The following CSMD3 variants were observed in gnomAD, a reference collection of about 807,000 sequenced individuals.
The protein encoded by CSMD3 is CUB and sushi domain-containing protein 3.
In CSMD3, 177 loss-of-function variants were observed where a neutral mutation model predicts 435.2. The observed-to-expected ratio is 0.41, with a 90% CI of 0.36 to 0.46. The LOEUF is 0.46. CSMD3 is among the 20% of genes least tolerant of loss of function. The pLI, the probability that CSMD3 is intolerant of heterozygous loss-of-function variation, is 0.34. For synonymous variants in CSMD3, 1,656 were observed against 1,520.5 expected, an observed-to-expected ratio of 1.09 and a Z score of -2.07; for missense variants, 4,265 against 4,504.6, an observed-to-expected ratio of 0.95 and a Z score of 1.52.
rs2131787391 is a variant in CSMD3, at chr8:112,682,637, C to T, written c.2483-1G>A. Reference sequence around the variant, plus strand: ...TCAGGGCATTCATTATGTCCAAATGCTTTAGAATAATATGCAAAGAAAAAT... The same window carrying T: ...TCAGGGCATTCATTATGTCCAAATGTTTTAGAATAATATGCAAAGAAAAAT... On this transcript the variant is annotated splice_acceptor_variant, in intron 15 of 70. Transcript: ENST00000297405. LOFTEE classifies it high-confidence loss of function. 6.2e-7 allele frequency: 1 copy of T among 1,602,170 alleles called. No individual in the cohort carries two copies. The highest frequency in any genetic ancestry group is 8.6e-7 in the Non-Finnish European group (1 of 1,169,252).
rs150908228 is a variant in CSMD3, at chr8:112,318,844, A to G, written c.7353T>C (p.Val2451=). Residue 2451 remains valine (V), a synonymous_variant, in exon 47 of 71, where the codon GTT becomes GTC. Coordinates refer to ENST00000297405, the MANE Select transcript of CSMD3 (RefSeq NM_198123.2). ...ATAGGAACCATTGAATACCTTGACA[A>G]ACTGGAGGTGCTCCATCCATCTGCA... ...ERLQMDGAPP[V]CQVLCPANEL... 31 of 1,606,364 alleles carry G rather than the reference A, an allele frequency of 1.9e-5. No individual in the cohort carries two copies. The Admixed American group carries it at 5.2e-4, about 27-fold the overall frequency.
chr8:113,298,364 T>C (rs558014520), intron 2 of CSMD3, among the ~76,000 whole-genome samples: 2 of 152,224 alleles, frequency 1.3e-5, no homozygotes, highest in South Asian at 4.1e-4. Context: ...AATAGTGGGA[T>C]TCATTTTATA....
intron 1 of CSMD3, among the ~76,000 whole-genome samples, chr8:113,338,528 A>C (rs2094094188): frequency 6.6e-6 from 1 of 152,042 alleles, no homozygotes; most frequent in African/African-American, 2.4e-5. Flanking sequence ...TTCATACAAT[A>C]GAATACTATT....
chr8:112,448,755 T>TAAAAAAAAAAAAAAA (rs199998820), intron 32 of CSMD3, among the ~76,000 whole-genome samples: 2 of 127,202 alleles, frequency 1.6e-5, no homozygotes, highest in African/African-American at 3.2e-5. Flanking sequence ...TACAATCTAT[T>TAAAAAAAAAAAAAAA]AAAAAAAAAA....
chr8:112,322,470 T>C (rs1470369519), intron 45 of CSMD3, among the ~76,000 whole-genome samples: 1 of 152,106 alleles, frequency 6.6e-6, no homozygotes. Context: ...TGTGAGCCCA[T>C]GGAGGGTCTG....
chr8:112,366,491 G>A (rs564213149), intron 38 of CSMD3, among the ~76,000 whole-genome samples: 24 of 152,230 alleles, frequency 1.6e-4, no homozygotes, highest in South Asian at 4.1e-4. Flanking sequence ...TCTGCCTCCC[G>A]GGTTCAAGGG....
chr8:113,294,395 A>G (rs1196853193), intron 2 of CSMD3, among the ~76,000 whole-genome samples: 2 of 152,066 alleles, frequency 1.3e-5, no homozygotes, highest in African/African-American at 4.8e-5. Context: ...GACTTTATTT[A>G]TATTATTCCA....
In CSMD3 at chr8:112,410,606, A is replaced by ATATATATATATGTATATATATATGTG. The variant is rs1563912810; in HGVS notation, c.5396-1575_5396-1574insCACATATATATATACATATATATATA. ...CATACATATGTATATATATATGTGT[A>ATATATATATATGTATATATATATGTG]TATATATATGTATATATATGTGTAT... On this transcript the variant is annotated intron_variant, in intron 32 of 70. Transcript: ENST00000297405. Among the ~76,000 whole-genome samples, 407 of 53,100 alleles carry ATATATATATATGTATATATATATGTG rather than the reference A, an allele frequency of 7.7e-3. 37 individuals are homozygous for ATATATATATATGTATATATATATGTG. The highest frequency in any genetic ancestry group is 0.034 in the African/African-American group (347 of 10,086). The allele number at this position is 53,100 out of a possible 152,430, so 34.8% of individuals were successfully genotyped here. A position where few individuals can be genotyped will look rare whatever the true frequency, so the allele number is the denominator to read the frequency against.
intron 4 of CSMD3, among the ~76,000 whole-genome samples, chr8:113,110,614 T>G (rs1224080097): frequency 6.6e-6 from 1 of 152,198 alleles, no homozygotes; most frequent in Non-Finnish European, 1.5e-5. Flanking sequence ...AGATTGAGGC[T>G]TTCTCTACAT....
chr8:113,345,873 G>A (rs948184966), intron 1 of CSMD3, among the ~76,000 whole-genome samples: 4 of 151,864 alleles, frequency 2.6e-5, no homozygotes, highest in African/African-American at 4.8e-5. Context: ...CACACACCCC[G>A]GCTCCAGAAC....
chr8:112,360,380 T>G (rs1827070491), intron 38 of CSMD3, among the ~76,000 whole-genome samples: 1 of 152,038 alleles, frequency 6.6e-6, no homozygotes, highest in Non-Finnish European at 1.5e-5. Context: ...ATGCTCATTT[T>G]TAAACAAGAT....
At chr8:112,889,117 C>T (rs1039132401) in intron 10 of CSMD3, among the ~76,000 whole-genome samples, 1 of 151,626 alleles carries the variant, frequency 6.6e-6, no homozygotes, top group Admixed American at 6.6e-5. Flanking sequence ...GTTAAGCATG[C>T]CCTGGGTTTC....
At chr8:112,990,060 A>T (rs1161366292) in intron 6 of CSMD3, among the ~76,000 whole-genome samples, 1 of 151,862 alleles carries the variant, frequency 6.6e-6, no homozygotes, top group African/African-American at 2.4e-5. Flanking sequence ...TTCCTCATTC[A>T]CCTTCCGCCA....
chr8:113,365,648 C>T (rs2094306408), intron 1 of CSMD3, among the ~76,000 whole-genome samples: 2 of 151,938 alleles, frequency 1.3e-5, no homozygotes, highest in African/African-American at 4.8e-5. Flanking sequence ...CAGTATCATA[C>T]GATGATGTTA....
chr8:112,714,240 A>G (rs1458161121), intron 13 of CSMD3, among the ~76,000 whole-genome samples: 2 of 152,028 alleles, frequency 1.3e-5, no homozygotes, highest in Admixed American at 6.6e-5. Flanking sequence ...TTACCAAGCA[A>G]ATGAACAGAA....
chr8:112,967,186 C>T (rs2084451884), intron 7 of CSMD3, among the ~76,000 whole-genome samples: 1 of 151,604 alleles, frequency 6.6e-6, no homozygotes, highest in Admixed American at 6.6e-5. Context: ...AAGAAACTAT[C>T]AACTGTTACT....
chr8:112,578,925 G>A (rs1830140162), intron 23 of CSMD3, among the ~76,000 whole-genome samples: 1 of 151,960 alleles, frequency 6.6e-6, no homozygotes, highest in Non-Finnish European at 1.5e-5. Flanking sequence ...GTCGAGCAAT[G>A]TACAAATAGT....
At chr8:113,278,970 T>C (rs1269947588) in intron 2 of CSMD3, among the ~76,000 whole-genome samples, 4 of 151,654 alleles carry the variant, frequency 2.6e-5, no homozygotes, top group African/African-American at 7.2e-5. Context: ...ACAACTGATA[T>C]ACAATTCTTT....
intron 67 of CSMD3, among the ~76,000 whole-genome samples, chr8:112,235,115 C>T (rs1029139073): frequency 3.9e-5 from 6 of 152,102 alleles, no homozygotes; most frequent in Non-Finnish European, 1.5e-5. Flanking sequence ...CCTGTAATCC[C>T]AGCACTTTGG....
Sources: allele counts gnomAD v4.1 joint callset (sites outside exome capture counted in the v4.1 genomes callset), GRCh38; gene constraint gnomAD v4.1.1; transcripts MANE v1.5; gene names NCBI Gene and HGNC (gene_info 2026-07-23, HGNC 2026-07-21).